Variants in KLF12 observed in about 807,000 individuals in gnomAD.
The protein encoded by KLF12 is Krueppel-like factor 12.
KLF12 carries 9 observed loss-of-function variants against 37.8 expected under a neutral mutation model. That is an observed-to-expected ratio of 0.24 (90% confidence interval 0.14 to 0.42). The LOEUF (loss-of-function observed/expected upper bound fraction) is 0.42. Among genes scored for constraint, KLF12 ranks in the 10% least tolerant of loss-of-function variants. The pLI is 1.00. For missense variants in KLF12, 411 were observed against 516.0 expected (o/e 0.80, Z 1.97); for synonymous variants, 208 against 202.1 (o/e 1.03, Z -0.25).
rs1399772097 is a variant in KLF12 at position 73,695,571 on chromosome 13, T to C, written c.1128A>G (p.Pro376=). The C allele has an allele frequency of 2.5e-6, 4 of 1,614,124 alleles. No individual in the cohort carries two copies. Among genetic ancestry groups the C allele is most frequent in the South Asian group, 1.1e-5 (1 of 91,088 alleles). The change falls in exon 8 of 8, where the codon CCA becomes CCG. Residue 376 remains proline, a synonymous_variant. Coordinates refer to ENST00000377669, the MANE Select transcript of KLF12 (RefSeq NM_007249.5). ...TGCGATCACAGTCCGCGCACTTGAA[T>C]GGCTTCACTCCCGTATGTTTGCGGT...
At chr13:74,048,163 G>C (rs1893596806) in intron 1 of KLF12, among the ~76,000 whole-genome samples, 1 of 152,222 alleles carries the variant, frequency 6.6e-6, no homozygotes, top group Non-Finnish European at 1.5e-5. Context: ...GACTTTACAG[G>C]TGGAGCAGCT....
intron 2 of KLF12, among the ~76,000 whole-genome samples, chr13:73,979,853 A>G (rs2138170792): frequency 6.6e-6 from 1 of 152,302 alleles, no homozygotes; most frequent in East Asian, 1.9e-4. Context: ...AGAGGTAATT[A>G]TGATAAAATA....
At chr13:74,024,601 ATTAG>A (rs1257199945) in intron 1 of KLF12, among the ~76,000 whole-genome samples, 2 of 152,208 alleles carry the variant, frequency 1.3e-5, no homozygotes, top group African/African-American at 4.8e-5. Context: ...ATAGGTACAA[ATTAG>A]TTAGGCCACT....
chr13:74,242,789 T>C, the KLF12 span, among the ~76,000 whole-genome samples: 2 of 152,126 alleles, frequency 1.3e-5, no homozygotes, highest in South Asian at 2.1e-4. Flanking sequence ...AAGCTCACAG[T>C]CTAAAGTGAG....
the KLF12 span, among the ~76,000 whole-genome samples, chr13:74,265,926 G>A: frequency 7.2e-4 from 109 of 152,358 alleles, 1 homozygote; most frequent in African/African-American, 2.5e-3. Context: ...TGAAATGGTA[G>A]GTTGTGGTCA....
chr13:74,209,961 T>C, the KLF12 span, among the ~76,000 whole-genome samples: 2 of 152,202 alleles, frequency 1.3e-5, no homozygotes, highest in East Asian at 1.9e-4. Context: ...AACTGGTTTG[T>C]AGCTCTTAAA....
rs1884994729 is a variant in KLF12, at chr13:73,846,021, T to G, written c.476A>C (p.Gln159Pro). The change falls in exon 4 of 8, where the codon CAG (glutamine) becomes CCG (proline). Residue 159 changes from glutamine (Q) to proline (P), a missense_variant. By Grantham distance (76) the Gln-to-Pro change is moderately conservative. This residue lies in a region of KLF12 where 351 missense variants were observed against 397.8 expected (regional missense o/e 0.88). Transcript: ENST00000377669. ...TACGGGATGGATAATGTGCAAAAAC[T>G]GCTGGCCTCCAACACCAGATGCAGA... is the stretch of plus-strand genomic sequence containing the variant. The G allele has an allele frequency of 3.1e-6, 5 of 1,614,130 alleles. No individual in the cohort carries two copies. The highest frequency in any genetic ancestry group is 4.2e-6 in the Non-Finnish European group (5 of 1,180,010).
chr13:73,906,603 A>G (rs1555323367), intron 3 of KLF12, among the ~76,000 whole-genome samples: 1 of 152,194 alleles, frequency 6.6e-6, no homozygotes, highest in Non-Finnish European at 1.5e-5. Flanking sequence ...AAGTACATAC[A>G]GCCACTCTAT....
the KLF12 span, among the ~76,000 whole-genome samples, chr13:74,159,756 TTCCTGTAA>T: frequency 6.6e-6 from 1 of 152,160 alleles, no homozygotes; most frequent in Non-Finnish European, 1.5e-5. Flanking sequence ...TGGTTGCTTA[TTCCTGTAA>T]TCCCAGTATT....
At chr13:74,303,553 T>C in the KLF12 span, among the ~76,000 whole-genome samples, 2 of 152,158 alleles carry the variant, frequency 1.3e-5, no homozygotes, top group African/African-American at 2.4e-5. Context: ...AAAGATGCTA[T>C]TGATGAAAAT....
intron 1 of KLF12, among the ~76,000 whole-genome samples, chr13:73,997,071 A>C (rs2138283009): frequency 6.6e-6 from 1 of 152,350 alleles, no homozygotes; most frequent in East Asian, 1.9e-4. Flanking sequence ...TTTTTAAAGC[A>C]TGGGACGGCC....
Position 73,911,866 on chromosome 13 carries a change from TA to T in KLF12, c.123+32114del, listed in dbSNP as rs201505643. The stretch of plus-strand genomic sequence containing the variant: ...AGCAAATACCATATAACCTTTTCAA[TA>T]AAACTCTGTCATGTAGGCCAGAGAC... On this transcript the variant is annotated intron_variant, in intron 3 of 7. Coordinates refer to ENST00000377669, the MANE Select transcript of KLF12 (RefSeq NM_007249.5). Among the ~76,000 whole-genome samples, 649 of 152,338 alleles carry T rather than the reference TA, an allele frequency of 4.3e-3. 6 individuals carry two copies. The highest frequency in any genetic ancestry group is 0.015 in the African/African-American group (632 of 41,570).
upstream of KLF12, among the ~76,000 whole-genome samples, chr13:74,134,294 G>C (rs985332102): frequency 2.0e-5 from 3 of 152,068 alleles, no homozygotes; most frequent in Non-Finnish European, 2.9e-5. Flanking sequence ...GGCCGAGGGC[G>C]GGGGCGGCGG....
chr13:74,303,062 C>G, the KLF12 span, among the ~76,000 whole-genome samples: 3 of 151,966 alleles, frequency 2.0e-5, no homozygotes, highest in Admixed American at 6.6e-5. Context: ...ATTGTTATAC[C>G]AGGACAAGAG....
the KLF12 span, among the ~76,000 whole-genome samples, chr13:74,243,599 C>T: frequency 6.6e-6 from 1 of 152,202 alleles, no homozygotes; most frequent in Non-Finnish European, 1.5e-5. Context: ...TACTTCTCCA[C>T]ATCCTCTCCA....
intron 2 of KLF12, among the ~76,000 whole-genome samples, chr13:73,975,176 C>T (rs1422842647): frequency 6.6e-6 from 1 of 152,136 alleles, no homozygotes; most frequent in Non-Finnish European, 1.5e-5. Context: ...CTTTTTTCAG[C>T]TCTTTTCTGC....
At chr13:73,961,591 G>A (rs1312368081) in intron 2 of KLF12, among the ~76,000 whole-genome samples, 1 of 152,060 alleles carries the variant, frequency 6.6e-6, no homozygotes, top group African/African-American at 2.4e-5. Context: ...AAACTCCAGG[G>A]GGACCAAGTC....
At chr13:73,872,352 G>T (rs1277003719) in intron 3 of KLF12, among the ~76,000 whole-genome samples, 1 of 152,052 alleles carries the variant, frequency 6.6e-6, no homozygotes, top group African/African-American at 2.4e-5. Context: ...TAAAAGGAAT[G>T]AAAAAAATCA....
intron 1 of KLF12, among the ~76,000 whole-genome samples, chr13:74,122,350 A>G (rs1566222798): frequency 6.6e-6 from 1 of 152,100 alleles, no homozygotes; most frequent in Non-Finnish European, 1.5e-5. Context: ...CAATCAGAAA[A>G]TACTAATTCC....
Sources: allele counts gnomAD v4.1 joint callset (sites outside exome capture counted in the v4.1 genomes callset), GRCh38; gene constraint gnomAD v4.1.1; regional missense constraint gnomAD v4.1.1; transcripts MANE v1.5; gene names NCBI Gene and HGNC (gene_info 2026-07-23, HGNC 2026-07-21).